Variants in HTT observed in about 807,000 individuals in gnomAD.
HTT encodes the protein huntingtin.
HTT carries 104 observed loss-of-function variants against 362.3 expected under a neutral mutation model. The ratio of observed to expected loss-of-function variants is 0.29; its 90% CI spans 0.24 to 0.34. The LOEUF is 0.34. Among genes scored for constraint, HTT ranks in the 10% least tolerant of loss-of-function variants. The pLI is 1.00. For synonymous variants in HTT, 1,577 were observed against 1,548.7 expected, an observed-to-expected ratio of 1.02 and a Z score of -0.43; for missense variants, 3,301 against 3,928.6, an observed-to-expected ratio of 0.84 and a Z score of 4.27.
rs750769979 is a variant in HTT at position 3,154,413 on chromosome 4, A to G, written c.3619A>G (p.Ser1207Gly). ...GAGTCCCAAGAAAGGCAGTGAGGCC[A>G]GTGCAGGTAGGAAACAGCGTGGGGA... ...PLSPKKGSEA[S>G]AASRQSDTSG... Residue 1207 changes from serine (S) to glycine (G), a missense_variant, in exon 27 of 67, where the codon AGT becomes GGT. This residue lies in a region of HTT where 2,316 missense variants were observed against 2,658.5 expected (regional missense o/e 0.87). Coordinates refer to ENST00000355072, the MANE Select transcript of HTT (RefSeq NM_001388492.1). 5 of 1,613,948 alleles carry G rather than the reference A, an allele frequency of 3.1e-6. No homozygotes were observed. The East Asian group carries it at 8.9e-5, about 29-fold the overall frequency.
In HTT at chr4:3,212,027, G is replaced by A. The variant is rs761264421; in HGVS notation, c.6513G>A (p.Val2171=). 9 of 1,614,182 alleles carry A rather than the reference G, an allele frequency of 5.6e-6. No homozygotes were observed. The highest frequency in any genetic ancestry group is 1.7e-5 in the Admixed American group (1 of 60,022). The change falls in exon 48 of 67, where the codon GTG becomes GTA. Residue 2171 remains valine, a synonymous_variant. Coordinates refer to ENST00000355072, the MANE Select transcript of HTT (RefSeq NM_001388492.1). ...KSALFEAARE[V]TLARVSGTVQ... ...CCCTTTTTGAAGCAGCCCGTGAGGT[G>A]ACTCTGGCCCGTGTGAGCGGCACCG...
intron 57 of HTT, among the ~76,000 whole-genome samples, 180 bp downstream of exon 57, chr4:3,225,923 G>A (rs948061156): frequency 6.6e-6 from 1 of 152,104 alleles, no homozygotes; most frequent in African/African-American, 2.4e-5. Flanking sequence ...CCCGCAAGCA[G>A]AGGAAGCATT....
intron 40 of HTT, among the ~76,000 whole-genome samples, chr4:3,197,856 G>C (rs1719328839): frequency 6.6e-6 from 1 of 152,188 alleles, no homozygotes; most frequent in Non-Finnish European, 1.5e-5. Flanking sequence ...TCCCGGGTCT[G>C]TCCCTGCACG....
At chr4:3,235,804 G>A in intron 63 of HTT, 26 bp downstream of exon 63, 1 of 1,564,054 alleles carries the variant, frequency 6.4e-7, no homozygotes, top group Non-Finnish European at 8.7e-7. Flanking sequence ...GTGCCCATAA[G>A]GCCAGCCCAA....
chr4:3,100,100 T>A (rs1714078030), intron 3 of HTT, among the ~76,000 whole-genome samples: 1 of 152,262 alleles, frequency 6.6e-6, no homozygotes, highest in Non-Finnish European at 1.5e-5. Flanking sequence ...TGGATGCTCC[T>A]GGGAAAATGT....
At chr4:3,118,704 G>C (rs1715150819) in intron 8 of HTT, among the ~76,000 whole-genome samples, 1 of 152,164 alleles carries the variant, frequency 6.6e-6, no homozygotes, top group South Asian at 2.1e-4. Flanking sequence ...AATCCTGGAA[G>C]GACAGGGATA....
intron 37 of HTT, among the ~76,000 whole-genome samples, chr4:3,183,177 T>C (rs1718608179): frequency 6.6e-6 from 1 of 152,266 alleles, no homozygotes; most frequent in Admixed American, 6.5e-5. Context: ...CCACCTCGCC[T>C]GGCCTATTCA....
rs1439352086 is a variant in HTT, at chr4:3,116,065, T to C, written c.890-20T>C. 6.3e-7 allele frequency: 1 copy of C among 1,595,350 alleles called. No homozygotes were observed. The highest frequency in any genetic ancestry group is 8.6e-7 in the Non-Finnish European group (1 of 1,165,724). On this transcript the variant is annotated intron_variant, in intron 7 of 66. Coordinates refer to ENST00000355072, the MANE Select transcript of HTT (RefSeq NM_001388492.1). ...AAACAGTGAGTCAGATGTTAAGATGTCTTGCTTCCACCCCCACAGGCTTAC... is the reference window on the plus strand; with the variant it reads ...AAACAGTGAGTCAGATGTTAAGATGCCTTGCTTCCACCCCCACAGGCTTAC...
intron 10 of HTT, among the ~76,000 whole-genome samples, chr4:3,123,998 C>T (rs1715410295): frequency 6.6e-6 from 1 of 152,134 alleles, no homozygotes; most frequent in South Asian, 2.1e-4. Context: ...ATATTATTTG[C>T]AGTATTAAAT....
chr4:3,126,222 T>G (rs1232843720), intron 11 of HTT, among the ~76,000 whole-genome samples: 1 of 151,966 alleles, frequency 6.6e-6, no homozygotes, highest in East Asian at 1.9e-4. Context: ...TTGGCTAATT[T>G]TTGTATTTTT....
At chr4:3,093,769 C>T (rs534649993) in intron 2 of HTT, among the ~76,000 whole-genome samples, 1 of 151,312 alleles carries the variant, frequency 6.6e-6, no homozygotes, top group African/African-American at 2.4e-5. Flanking sequence ...AAGCTATAAG[C>T]CAAGGAATGC....
chr4:3,162,641 A>C (rs1299673920), intron 29 of HTT, among the ~76,000 whole-genome samples: 1 of 152,152 alleles, frequency 6.6e-6, no homozygotes, highest in African/African-American at 2.4e-5. Flanking sequence ...GGTCCTTCAC[A>C]TCCCTTGTAA....
chr4:3,074,698 A>G lies in HTT; in HGVS notation c.-128A>G. 1 of 1,023,356 alleles carries G rather than the reference A, an allele frequency of 9.8e-7. No individual in the cohort carries two copies. Among genetic ancestry groups the G allele is most frequent in the Non-Finnish European group, 1.3e-6 (1 of 751,000 alleles). The allele number at this position is 1,023,356 out of a possible 1,614,324, so 63.4% of individuals were successfully genotyped here. A position where few individuals can be genotyped will look rare whatever the true frequency, so the allele number is the denominator to read the frequency against. On this transcript the variant is annotated 5_prime_UTR_variant, in exon 1 of 67. Transcript: ENST00000355072. ...CCGTGGGGGCTGCCGGGACGGGTCC[A>G]AGATGGACGGCCGCTCAGGTTCTGC... is the stretch of plus-strand genomic sequence containing the variant.
chr4:3,094,530 G>A (rs527747925), intron 2 of HTT, among the ~76,000 whole-genome samples: 205 of 144,974 alleles, frequency 1.4e-3, no homozygotes, highest in Non-Finnish European at 2.5e-3. Context: ...ACGGGGCGGC[G>A]GCTGGGCGGG....
chr4:3,204,106 A>C lies in HTT; in HGVS notation c.5676A>C (p.Glu1892Asp). 1 of 1,614,228 alleles carries C rather than the reference A, an allele frequency of 6.2e-7. No homozygotes were observed. The highest frequency in any genetic ancestry group is 8.5e-7 in the Non-Finnish European group (1 of 1,180,032). ...LAAKLGMCNR[E>D]IVRRGALILF... is the part of the protein sequence containing the mutation. ...CCAAACTTGGAATGTGCAATAGAGA[A>C]ATAGTACGAAGAGGGGCTCTCATTC... Residue 1892 changes from glutamate (E) to aspartate (D), a missense_variant, in exon 42 of 67, where the codon GAA becomes GAC. By Grantham distance (45) the Glu-to-Asp change is conservative. This residue lies in a region of HTT where 2,316 missense variants were observed against 2,658.5 expected (regional missense o/e 0.87). Coordinates refer to ENST00000355072, the MANE Select transcript of HTT (RefSeq NM_001388492.1).
At chr4:3,139,134 A>G (rs568427307) in intron 21 of HTT, among the ~76,000 whole-genome samples, 3 of 152,172 alleles carry the variant, frequency 2.0e-5, no homozygotes, top group Admixed American at 6.5e-5. Context: ...TAATAGGTTT[A>G]TATGACTTGC....
At chr4:3,205,468 C>A (rs1190775197) in intron 42 of HTT, among the ~76,000 whole-genome samples, 1 of 152,032 alleles carries the variant, frequency 6.6e-6, no homozygotes, top group Non-Finnish European at 1.5e-5. Context: ...AGTAGTTTTT[C>A]TATTTTGTTC....
At chr4:3,177,986 T>C (rs543999130) in intron 34 of HTT, among the ~76,000 whole-genome samples, 1 of 152,360 alleles carries the variant, frequency 6.6e-6, no homozygotes, top group East Asian at 1.9e-4. Context: ...CAAGTTACTG[T>C]TTCTCTTTTG....
chr4:3,200,123 G>A (rs963769403), intron 41 of HTT, among the ~76,000 whole-genome samples, 184 bp downstream of exon 41: 5 of 152,132 alleles, frequency 3.3e-5, no homozygotes, highest in African/African-American at 9.7e-5. Flanking sequence ...ACAAACATGC[G>A]GTCCAGCTAA....
Sources: allele counts gnomAD v4.1 joint callset (sites outside exome capture counted in the v4.1 genomes callset), GRCh38; gene constraint gnomAD v4.1.1; regional missense constraint gnomAD v4.1.1; transcripts MANE v1.5; gene names NCBI Gene and HGNC (gene_info 2026-07-23, HGNC 2026-07-21).